The following PCED1B variants were observed in gnomAD, a reference collection of about 807,000 sequenced individuals.
PCED1B encodes PC-esterase domain containing 1B.
For synonymous variants in PCED1B, 251 were observed against 246.1 expected, an observed-to-expected ratio of 1.02 and a Z score of -0.19; for missense variants, 573 against 573.9, an observed-to-expected ratio of 1.00 and a Z score of 0.02.
chr12:47,217,730 C>G (rs1479622817), intron 3 of PCED1B, among the ~76,000 whole-genome samples: 1 of 151,990 alleles, frequency 6.6e-6, no homozygotes, highest in Admixed American at 6.6e-5. Flanking sequence ...GCACGCGACA[C>G]CACTCCCAGC....
intron 2 of PCED1B, among the ~76,000 whole-genome samples, chr12:47,191,059 A>G (rs1942425091): frequency 6.6e-6 from 1 of 152,242 alleles, no homozygotes; most frequent in African/African-American, 2.4e-5. Flanking sequence ...ATTAATGACT[A>G]CCCTCTAACG....
intron 2 of PCED1B, among the ~76,000 whole-genome samples, chr12:47,207,218 G>A (rs1413960788): frequency 6.6e-6 from 1 of 152,168 alleles, no homozygotes; most frequent in Admixed American, 6.5e-5. Context: ...GACAGATGGA[G>A]GACTAAATTA....
intron 2 of PCED1B, among the ~76,000 whole-genome samples, chr12:47,110,765 T>C (rs1318487090): frequency 6.6e-6 from 1 of 152,230 alleles, no homozygotes; most frequent in African/African-American, 2.4e-5. Flanking sequence ...GCTTCATTTT[T>C]AGATGTAACT....
intron 1 of PCED1B, among the ~76,000 whole-genome samples, chr12:47,089,446 CA>C (rs746983624): frequency 5.5e-4 from 32 of 58,410 alleles, no homozygotes; most frequent in Non-Finnish European, 7.5e-4. Context: ...GACTCCATCT[CA>C]AAAAAAAAAA....
chr12:47,137,403 T>G (rs1016966252), intron 2 of PCED1B, among the ~76,000 whole-genome samples: 3 of 152,166 alleles, frequency 2.0e-5, no homozygotes, highest in Non-Finnish European at 2.9e-5. Context: ...AGACAAAATA[T>G]TTAAGCTATA....
At chr12:47,187,667 A>G (rs1235900425) in intron 2 of PCED1B, 55 of 152,514 alleles carry the variant, frequency 3.6e-4, no homozygotes, top group Admixed American at 3.6e-3. Flanking sequence ...TGATGGAGAG[A>G]ACATTTCATC....
chr12:47,117,202 A>AT (rs1466779208), intron 2 of PCED1B, among the ~76,000 whole-genome samples: 11 of 151,988 alleles, frequency 7.2e-5, no homozygotes, highest in East Asian at 5.8e-4. Flanking sequence ...TACTTCATTC[A>AT]TTTTTTTTAT....
At chr12:47,152,475 A>C (rs1941030520) in intron 2 of PCED1B, among the ~76,000 whole-genome samples, 1 of 152,266 alleles carries the variant, frequency 6.6e-6, no homozygotes, top group Non-Finnish European at 1.5e-5. Flanking sequence ...CATAGAGAGT[A>C]AAGATAAAGG....
chr12:47,191,552 T>C (rs1179180683), intron 2 of PCED1B, among the ~76,000 whole-genome samples: 6 of 152,140 alleles, frequency 3.9e-5, no homozygotes. Flanking sequence ...GGGGAAGTCA[T>C]GTTTCCATTG....
intron 3 of PCED1B, among the ~76,000 whole-genome samples, chr12:47,227,427 C>A (rs1943666028): frequency 6.6e-6 from 1 of 152,074 alleles, no homozygotes; most frequent in Non-Finnish European, 1.5e-5. Context: ...CCCACCTCGG[C>A]CTTCCAAAGT....
rs1162177835 is a variant in PCED1B, at chr12:47,236,118, A to C, written c.1055A>C (p.Gln352Pro). 1 of 1,614,022 alleles carries C rather than the reference A, an allele frequency of 6.2e-7. No homozygotes were observed. Among genetic ancestry groups the C allele is most frequent in the Admixed American group, 1.7e-5 (1 of 60,014 alleles). Residue 352 changes from glutamine (Q) to proline (P), a missense_variant, in exon 4 of 4, where the codon CAA becomes CCA. Coordinates refer to ENST00000546455, the MANE Select transcript of PCED1B (RefSeq NM_138371.3). ...TCAGACCATACTTTCCAGTCGGATC[A>C]ATTCTATTGCCATTCAGATGTCCCC... ...FSSDHTFQSD[Q>P]FYCHSDVPSS...
intron 2 of PCED1B, among the ~76,000 whole-genome samples, chr12:47,156,782 G>A (rs1295204774): frequency 6.6e-6 from 1 of 151,972 alleles, no homozygotes; most frequent in Non-Finnish European, 1.5e-5. Context: ...AGTTGTCTGC[G>A]ACAATTTTGG....
At position 47,097,329 on chromosome 12, in the gene PCED1B, A is replaced by G. The variant is rs552375329; in HGVS notation, c.-608-6784A>G. Among the ~76,000 whole-genome samples, 354 of 152,332 alleles carry G rather than the reference A, an allele frequency of 2.3e-3. 2 individuals are homozygous for G. In the Middle Eastern group the frequency reaches 0.031, roughly 13 times the overall value. On this transcript the variant is annotated intron_variant, in intron 1 of 3. Coordinates refer to ENST00000546455, the MANE Select transcript of PCED1B (RefSeq NM_138371.3). ...CGAGCACCCTCTTCCTTTTTCTTACAGCTCTTTATCCCTAGAGTTTAAAGA... is the reference window on the plus strand; with the variant it reads ...CGAGCACCCTCTTCCTTTTTCTTACGGCTCTTTATCCCTAGAGTTTAAAGA...
chr12:47,151,809 T>C (rs7963822), intron 2 of PCED1B, among the ~76,000 whole-genome samples: 109,395 of 152,052 alleles, frequency 0.72, 39,613 homozygotes, highest in East Asian at 0.8. Flanking sequence ...TGAGATGAGA[T>C]CCACCCACAC....
At chr12:47,183,810 A>G (rs9888311) in intron 2 of PCED1B, among the ~76,000 whole-genome samples, 40,333 of 152,054 alleles carry the variant, frequency 0.27, 5,754 homozygotes, top group East Asian at 0.55. Flanking sequence ...ACTTTTTTTT[A>G]TGTTTTAATA....
intron 2 of PCED1B, among the ~76,000 whole-genome samples, chr12:47,119,330 G>A (rs964373539): frequency 2.0e-5 from 3 of 151,990 alleles, no homozygotes; most frequent in Non-Finnish European, 4.4e-5. Context: ...CCTTAGATTT[G>A]GTAATAATTT....
At chr12:47,197,727 T>C (rs190651158) in intron 2 of PCED1B, among the ~76,000 whole-genome samples, 42 of 152,138 alleles carry the variant, frequency 2.8e-4, no homozygotes, top group African/African-American at 9.6e-4. Flanking sequence ...ACTGACTCCA[T>C]GGACATTAAA....
chr12:47,146,463 GA>G (rs1217717995), intron 2 of PCED1B, among the ~76,000 whole-genome samples: 1 of 152,098 alleles, frequency 6.6e-6, no homozygotes, highest in African/African-American at 2.4e-5. Context: ...GCATGCTACA[GA>G]AAAAAATCTT....
chr12:47,105,243 T>TG (rs1240473522), intron 2 of PCED1B, among the ~76,000 whole-genome samples: 4 of 147,450 alleles, frequency 2.7e-5, no homozygotes, highest in Non-Finnish European at 4.5e-5. Flanking sequence ...GTGAACGCGG[T>TG]GGGGGGCGGC....
Sources: allele counts gnomAD v4.1 joint callset (sites outside exome capture counted in the v4.1 genomes callset), GRCh38; gene constraint gnomAD v4.1.1; transcripts MANE v1.5; gene names NCBI Gene and HGNC (gene_info 2026-07-23, HGNC 2026-07-21).